STXBP5L: variants seen among roughly 807,000 people sequenced by gnomAD.
STXBP5L encodes syntaxin-binding protein 5-like.
STXBP5L carries 65 observed loss-of-function variants against 144.5 expected under a neutral mutation model. The observed-to-expected ratio is 0.45, with a 90% CI of 0.37 to 0.55. STXBP5L has a LOEUF of 0.55. Ranked by LOEUF, STXBP5L falls within the 20% of genes least tolerant of loss-of-function variation. STXBP5L has a pLI of 0.00. For missense variants in STXBP5L, 1,298 were observed against 1,405.5 expected (o/e 0.92, Z 1.22); for synonymous variants, 505 against 469.6 (o/e 1.08, Z -0.97).
chr3:121,418,315 T>A (rs1389806692), intron 25 of STXBP5L, 22 bp from the exon 26 acceptor site: 8 of 1,600,194 alleles, frequency 5.0e-6, no homozygotes, highest in Non-Finnish European at 6.8e-6. Context: ...ATGTTTTAAA[T>A]TGCTATTGCA....
intron 5 of STXBP5L, among the ~76,000 whole-genome samples, chr3:121,071,994 C>T (rs1047039979): frequency 3.3e-5 from 5 of 152,166 alleles, no homozygotes; most frequent in African/African-American, 1.2e-4. Flanking sequence ...GTGTCTGGTT[C>T]ATTCTTTTAA....
chr3:121,306,605 T>C (rs781442269), intron 19 of STXBP5L, among the ~76,000 whole-genome samples: 1 of 152,106 alleles, frequency 6.6e-6, no homozygotes, highest in Non-Finnish European at 1.5e-5. Context: ...ACTAGCCTTA[T>C]ATGAAACAGT....
At chr3:121,245,208 G>A (rs1187789062) in intron 14 of STXBP5L, among the ~76,000 whole-genome samples, 1 of 151,842 alleles carries the variant, frequency 6.6e-6, no homozygotes, top group African/African-American at 2.4e-5. Flanking sequence ...TAGATTTTTT[G>A]TATGTAGTTA....
chr3:121,349,291 G>A (rs528761868), intron 20 of STXBP5L, among the ~76,000 whole-genome samples: 17 of 152,176 alleles, frequency 1.1e-4, no homozygotes, highest in Middle Eastern at 3.4e-3. Flanking sequence ...TTAATCCTGC[G>A]TTCTAGTTTG....
At chr3:121,001,501 C>T (rs1292045404) in intron 3 of STXBP5L, among the ~76,000 whole-genome samples, 1 of 152,192 alleles carries the variant, frequency 6.6e-6, no homozygotes, top group South Asian at 2.1e-4. Flanking sequence ...TGGCTGTGCT[C>T]CACTGCAGCC....
Position 121,407,345 on chromosome 3 carries a change from A to G in STXBP5L, c.2690A>G (p.Asn897Ser). 6.2e-7 allele frequency: 1 copy of G among 1,612,962 alleles called. No homozygotes were observed. ...TATGAAGTTTGGAGGGATCCAAACA[A>G]CATAGATGAAAATGAAAAATCTTGG... The part of the protein sequence containing the change: ...PPYEVWRDPN[N>S]IDENEKSWRR... Residue 897 changes from asparagine (N) to serine (S), a missense_variant, in exon 23 of 27, where the codon AAC becomes AGC. Coordinates refer to ENST00000471454, the MANE Select transcript of STXBP5L (RefSeq NM_001308330.2).
intron 5 of STXBP5L, among the ~76,000 whole-genome samples, chr3:121,111,817 C>T (rs770881639): frequency 1.7e-4 from 26 of 152,158 alleles, no homozygotes; most frequent in Non-Finnish European, 2.9e-4. Context: ...GCAGAGCCAT[C>T]GGGGGAAAGA....
intron 23 of STXBP5L, among the ~76,000 whole-genome samples, chr3:121,409,777 A>T (rs1196166068): frequency 6.6e-6 from 1 of 151,968 alleles, no homozygotes; most frequent in Non-Finnish European, 1.5e-5. Flanking sequence ...ACTACAGGGC[A>T]GAGTTGAATA....
intron 9 of STXBP5L, among the ~76,000 whole-genome samples, chr3:121,203,072 T>G (rs1250550663): frequency 6.1e-5 from 5 of 81,940 alleles, no homozygotes; most frequent in African/African-American, 1.7e-4. Flanking sequence ...TTTTTTTCTG[T>G]TTTTTTTTTC....
chr3:121,159,627 CTTTTTTT>C (rs1161847567), intron 9 of STXBP5L, among the ~76,000 whole-genome samples: 2 of 121,932 alleles, frequency 1.6e-5, no homozygotes, highest in African/African-American at 3.1e-5. Flanking sequence ...TGTACATTTT[CTTTTTTT>C]TTTTTTTTTT....
chr3:121,373,380 C>T (rs143883285), intron 20 of STXBP5L, among the ~76,000 whole-genome samples: 79 of 152,312 alleles, frequency 5.2e-4, no homozygotes, highest in Admixed American at 5.9e-4. Flanking sequence ...CTGGAGTCCA[C>T]AAGACTGCAT....
At chr3:121,320,847 C>A (rs564470679) in intron 20 of STXBP5L, among the ~76,000 whole-genome samples, 1 of 152,008 alleles carries the variant, frequency 6.6e-6, no homozygotes, top group Admixed American at 6.6e-5. Flanking sequence ...ACTACAGGAG[C>A]GTGTCACACA....
chr3:120,934,739 G>T (rs1436385258), intron 2 of STXBP5L, among the ~76,000 whole-genome samples: 1 of 151,886 alleles, frequency 6.6e-6, no homozygotes, highest in Non-Finnish European at 1.5e-5. Flanking sequence ...TTATCATTAC[G>T]TAATGTCCAT....
At chr3:121,080,472 G>C (rs1200051467) in intron 5 of STXBP5L, among the ~76,000 whole-genome samples, 1 of 152,030 alleles carries the variant, frequency 6.6e-6, no homozygotes, top group Admixed American at 6.6e-5. Context: ...TTGAGGTTTT[G>C]TTTCAAGATT....
chr3:121,135,801 A>G (rs1175830676), intron 7 of STXBP5L, among the ~76,000 whole-genome samples: 3 of 152,134 alleles, frequency 2.0e-5, no homozygotes, highest in South Asian at 4.1e-4. Context: ...CTCCTGCTCT[A>G]GACCACCTTG....
At chr3:121,087,893 T>C (rs1157262782) in intron 5 of STXBP5L, among the ~76,000 whole-genome samples, 2 of 152,146 alleles carry the variant, frequency 1.3e-5, no homozygotes, top group Non-Finnish European at 2.9e-5. Flanking sequence ...TACTGGAATC[T>C]ACTGCTGCTA....
chr3:121,122,761 A>C (rs535865885), intron 7 of STXBP5L, among the ~76,000 whole-genome samples: 1 of 151,520 alleles, frequency 6.6e-6, no homozygotes, highest in Non-Finnish European at 1.5e-5. Context: ...AGATGCTTGT[A>C]GGATAGGGTT....
chr3:121,157,369 G>C (rs1448437261), intron 8 of STXBP5L, 135 bp from the exon 9 acceptor site: 1 of 911,196 alleles, frequency 1.1e-6, no homozygotes, highest in Non-Finnish European at 1.5e-6. Flanking sequence ...GTCTGATATG[G>C]GTCAGAAAAA....
chr3:121,045,594 GT>G (rs1560050055), intron 5 of STXBP5L, 59 bp downstream of exon 5: 6 of 1,497,994 alleles, frequency 4.0e-6, no homozygotes, highest in Non-Finnish European at 5.5e-6. Context: ...TCCTGAGCAA[GT>G]TTTTGTTAAC....
Sources: allele counts gnomAD v4.1 joint callset (sites outside exome capture counted in the v4.1 genomes callset), GRCh38; gene constraint gnomAD v4.1.1; transcripts MANE v1.5; gene names NCBI Gene and HGNC (gene_info 2026-07-23, HGNC 2026-07-21).